SHKBP1: variants seen among roughly 807,000 people sequenced by gnomAD.
The protein encoded by SHKBP1 is SH3KBP1-binding protein 1.
A neutral mutation model predicts 83.9 loss-of-function variants in SHKBP1; 71 were observed. The observed-to-expected ratio is 0.85, with a 90% CI of 0.70 to 1.03. SHKBP1 has a LOEUF of 1.03. SHKBP1 is among the 50% of genes least tolerant of loss of function. The pLI is 0.00. For missense variants in SHKBP1, 824 were observed against 982.4 expected, an observed-to-expected ratio of 0.84 and a Z score of 2.16; for synonymous variants, 371 against 398.0, an observed-to-expected ratio of 0.93 and a Z score of 0.81.
Position 40,590,811 on chromosome 19 carries a change from G to T in SHKBP1, c.1850G>T (p.Trp617Leu), listed in dbSNP as rs762962491. The change falls in exon 17 of 18, where the codon TGG (tryptophan) becomes TTG (leucine). Residue 617 changes from tryptophan (W) to leucine (L), a missense_variant. Coordinates refer to ENST00000291842, the MANE Select transcript of SHKBP1 (RefSeq NM_138392.4). The surrounding 1 kb of genome is among the most constrained non-coding windows in gnomAD (Gnocchi z 4.6). ...CCGCCGGCTCCTTCAGCTCCCTCATGGGGCTGTCTCCCCAGCCCCTCACCC... is the reference window on the plus strand; with the variant it reads ...CCGCCGGCTCCTTCAGCTCCCTCATTGGGCTGTCTCCCCAGCCCCTCACCC... ...LAPPAPSAPS[W>L]GCLPSPSPRI... The T allele has an allele frequency of 6.2e-7, 1 of 1,600,052 alleles. No individual in the cohort carries two copies. The highest frequency in any genetic ancestry group is 1.3e-5 in the African/African-American group (1 of 74,644).
At position 40,577,245 on chromosome 19, in the gene SHKBP1, G is replaced by A. The variant is rs1433362215; in HGVS notation, c.101G>A (p.Arg34His). The A allele has an allele frequency of 1.2e-6, 2 of 1,613,800 alleles. No homozygotes were observed. Among genetic ancestry groups the A allele is most frequent in the Non-Finnish European group, 1.7e-6 (2 of 1,179,996 alleles). ...NVGGKRFSTS[R>H]QTLTWIPDSF... ...TCCCCGCCCAGATTCAGTACCTCTC[G>A]CCAGACTCTCACCTGGATCCCAGAC... The change falls in exon 2 of 18, where the codon CGC becomes CAC. Residue 34 changes from arginine (R) to histidine (H), a missense_variant. By Grantham distance (29) the Arg-to-His change is conservative. Around this residue, in one of 3 missense-constraint regions of SHKBP1, gnomAD observed 355 missense variants for 386.4 expected, o/e 0.92. Coordinates refer to ENST00000291842, the MANE Select transcript of SHKBP1 (RefSeq NM_138392.4).
chr19:40,586,957 G>C lies in SHKBP1; in HGVS notation c.1336+13G>C, dbSNP rs773033433. On this transcript the variant is annotated intron_variant, in intron 13 of 17. Transcript: ENST00000291842. ...CACCTCATCTCAGGTGAGCCTCTGT[G>C]GGGTGCTCCAGTGCTGGGAGAGACA... 6.3e-7 allele frequency: 1 copy of C among 1,583,932 alleles called. No homozygotes were observed. The highest frequency in any genetic ancestry group is 1.7e-5 in the Admixed American group (1 of 58,556).
chr19:40,590,273 C>T lies in SHKBP1; in HGVS notation c.1619C>T (p.Ser540Leu), dbSNP rs1599849545. 6.2e-7 allele frequency: 1 copy of T among 1,604,584 alleles called. No individual in the cohort carries two copies. The highest frequency in any genetic ancestry group is 8.5e-7 in the Non-Finnish European group (1 of 1,176,528). The change falls in exon 16 of 18, where the codon TCA becomes TTA. Residue 540 changes from serine (S) to leucine (L), a missense_variant. Ser to Leu is a moderately radical substitution (Grantham distance 145). Coordinates refer to ENST00000291842, the MANE Select transcript of SHKBP1 (RefSeq NM_138392.4). The surrounding 1 kb of genome is among the most constrained non-coding windows in gnomAD (Gnocchi z 4.6). ...RVCSVRSVDG[S>L]PTTAFTVLEC... The stretch of plus-strand genomic sequence containing the variant: ...TGCTCCGTGCGCTCCGTGGACGGCT[C>T]ACCCACGACAGCCTTCACAGTGCTG...
chr19:40,579,129 A>G (rs1209756845), intron 6 of SHKBP1, among the ~76,000 whole-genome samples: 3 of 149,282 alleles, frequency 2.0e-5, no homozygotes, highest in Non-Finnish European at 4.4e-5. Flanking sequence ...ATTTAATTTT[A>G]TGAGACAGGG....
rs367580869 is a variant in SHKBP1, at chr19:40,577,221, C to G, written c.87-10C>G. On this transcript the variant is annotated splice_polypyrimidine_tract_variant and intron_variant, in intron 1 of 17. Coordinates refer to ENST00000291842, the MANE Select transcript of SHKBP1 (RefSeq NM_138392.4). ...TTCATCTCTTGCGTCCGTTTACCTT[C>G]CCCGCCCAGATTCAGTACCTCTCGC... 82 of 1,613,104 alleles carry G rather than the reference C, an allele frequency of 5.1e-5. No homozygotes were observed. Among genetic ancestry groups the G allele is most frequent in the Non-Finnish European group, 6.9e-5 (81 of 1,179,964 alleles).
chr19:40,577,680 G>T (rs766043629), intron 4 of SHKBP1, 50 bp downstream of exon 4: 2 of 1,593,524 alleles, frequency 1.3e-6, no homozygotes, highest in African/African-American at 1.3e-5. Context: ...CAGTCCCTGA[G>T]GAGTTCTTTC....
rs757621526 is a variant in SHKBP1, at chr19:40,580,883, G to T, written c.791G>T (p.Gly264Val). The change falls in exon 9 of 18, where the codon GGC (glycine) becomes GTC (valine). Residue 264 changes from glycine to valine, a missense_variant. Physicochemically the swap from Gly to Val is moderately radical, Grantham distance 109. This residue lies in a region of SHKBP1 where 355 missense variants were observed against 386.4 expected (regional missense o/e 0.92). Coordinates refer to ENST00000291842, the MANE Select transcript of SHKBP1 (RefSeq NM_138392.4). ...GACAAGATGGTGGCAGCAGCCACCG[G>T]CAGCGAGATCCTGCTATGGGCTCTG... ...EHDKMVAAATGSEILLWALQA... is the reference protein window; with the variant it reads ...EHDKMVAAATVSEILLWALQA... 6.2e-7 allele frequency: 1 copy of T among 1,611,050 alleles called. No individual in the cohort carries two copies. Among genetic ancestry groups the T allele is most frequent in the South Asian group, 1.1e-5 (1 of 90,716 alleles).
Position 40,590,588 on chromosome 19 carries a change from C to A in SHKBP1, c.1769-142C>A. 1 of 1,303,190 alleles carries A rather than the reference C, an allele frequency of 7.7e-7. No individual in the cohort carries two copies. Among genetic ancestry groups the A allele is most frequent in the Non-Finnish European group, 1.1e-6 (1 of 947,262 alleles). The allele number at this position is 1,303,190 out of a possible 1,614,324, so 80.7% of individuals were successfully genotyped here. On this transcript the variant is annotated intron_variant, in intron 16 of 17. Coordinates refer to ENST00000291842, the MANE Select transcript of SHKBP1 (RefSeq NM_138392.4). The surrounding 1 kb of genome is among the most constrained non-coding windows in gnomAD (Gnocchi z 4.6). Reference sequence around the variant, plus strand: ...CCTTCCTGCCCTTGTTTTTCAACCCCTGTCTCAGCCTCTGGCCCCCATGCA... The same window carrying A: ...CCTTCCTGCCCTTGTTTTTCAACCCATGTCTCAGCCTCTGGCCCCCATGCA...
Position 40,587,997 on chromosome 19 carries a change from C to T in SHKBP1, c.1337-627C>T, listed in dbSNP as rs186258176. 5.4e-3 allele frequency among the ~76,000 whole-genome samples: 822 copies of T among 152,248 alleles called. 8 individuals carry two copies. Among genetic ancestry groups the T allele is most frequent in the Non-Finnish European group, 6.4e-3 (434 of 68,024 alleles). On this transcript the variant is annotated intron_variant, in intron 13 of 17. Coordinates refer to ENST00000291842, the MANE Select transcript of SHKBP1 (RefSeq NM_138392.4). ...TGTGTGTGGCTAGAGAGTGTCAAGT[C>T]GCTGGAGAGGGGTCATTCAGGGAAG...
At position 40,578,221 on chromosome 19, in the gene SHKBP1, GAGCCCCC is replaced by G; in HGVS notation, c.319+13_319+19del. The G allele has an allele frequency of 6.2e-7, 1 of 1,613,810 alleles. No homozygotes were observed. The highest frequency in any genetic ancestry group is 1.1e-5 in the South Asian group (1 of 91,082). ...TGGGCTCACTCCTCTGGGTAAGTGG[GAGCCCCC>G]AGCTATCATCCTCATTGTATAGAAA... On this transcript the variant is annotated intron_variant, in intron 5 of 17. Coordinates refer to ENST00000291842, the MANE Select transcript of SHKBP1 (RefSeq NM_138392.4).
intron 13 of SHKBP1, 106 bp downstream of exon 13, chr19:40,587,050 G>A (rs992648880): frequency 2.8e-6 from 3 of 1,082,302 alleles, no homozygotes; most frequent in Non-Finnish European, 4.0e-6. Context: ...TGTAGGAAGA[G>A]AGCTCTGGCG....
At position 40,584,095 on chromosome 19, in the gene SHKBP1, C is replaced by G. The variant is rs375442157; in HGVS notation, c.1165+378C>G. ...ACCTCAGATGATCCTCCCGCCTCAG[C>G]CCCCCAAAGTACTGGGATTACAGAC... On this transcript the variant is annotated intron_variant, in intron 12 of 17. Coordinates refer to ENST00000291842, the MANE Select transcript of SHKBP1 (RefSeq NM_138392.4). 1.2e-4 allele frequency among the ~76,000 whole-genome samples: 19 copies of G among 152,228 alleles called. 1 individual carries two copies. The highest frequency in any genetic ancestry group is 4.6e-4 in the African/African-American group (19 of 41,528).
At chr19:40,586,592 C>A in intron 12 of SHKBP1, 182 bp from the exon 13 acceptor site, 1 of 480,532 alleles carries the variant, frequency 2.1e-6, no homozygotes, top group South Asian at 5.9e-5. Flanking sequence ...GTCTTGAACG[C>A]CTGACCTCAA....
rs2081350141 is a variant in SHKBP1, at chr19:40,590,546, C to T, written c.1768+124C>T. 3 of 1,281,024 alleles carry T rather than the reference C, an allele frequency of 2.3e-6. No homozygotes were observed. The highest frequency in any genetic ancestry group is 2.4e-5 in the East Asian group (1 of 41,656). 79.4% of individuals were successfully genotyped at this position (1,281,024 alleles called of 1,614,324 possible). A position where few individuals can be genotyped will look rare whatever the true frequency, so the allele number is the denominator to read the frequency against. On this transcript the variant is annotated intron_variant, in intron 16 of 17. Transcript: ENST00000291842. This position sits in a 1 kb window ranked among gnomAD's most constrained non-coding sequence, Gnocchi z 4.6. The stretch of plus-strand genomic sequence containing the variant: ...CCTCTGACCCCTTTTCCTTTGACCC[C>T]CTCTCTGCTCCCCATCCCTTCCTGC...
chr19:40,583,896 A>G (rs771673517), intron 12 of SHKBP1, among the ~76,000 whole-genome samples, 179 bp downstream of exon 12: 4 of 151,990 alleles, frequency 2.6e-5, no homozygotes, highest in African/African-American at 4.8e-5. Flanking sequence ...GCTGGAGTGC[A>G]GTGGTGCAAT....
Position 40,580,209 on chromosome 19 carries a change from A to G in SHKBP1, c.401-115A>G, listed in dbSNP as rs190636639. On this transcript the variant is annotated intron_variant, in intron 6 of 17. Transcript: ENST00000291842. ...TGTCACTGCACCACTTAAAATCTTCACCCGGAGACTATGTCCCACACATGG... is the reference window on the plus strand; with the variant it reads ...TGTCACTGCACCACTTAAAATCTTCGCCCGGAGACTATGTCCCACACATGG... The G allele has an allele frequency of 7.2e-6, 9 of 1,255,242 alleles. No homozygotes were observed. The Admixed American group carries it at 1.8e-4, about 25-fold the overall frequency. 77.8% of individuals were successfully genotyped at this position (1,255,242 alleles called of 1,614,324 possible).
intron 5 of SHKBP1, 92 bp from the exon 6 acceptor site, chr19:40,578,368 GTA>G (rs2081239252): frequency 6.7e-7 from 1 of 1,489,500 alleles, no homozygotes; most frequent in Non-Finnish European, 9.3e-7. Context: ...ACTGGGAGGA[GTA>G]TTGGTACTCT....
At chr19:40,577,192 C>G (rs750882473) in intron 1 of SHKBP1, 39 bp from the exon 2 acceptor site, 1 of 1,610,426 alleles carries the variant, frequency 6.2e-7, no homozygotes, top group Non-Finnish European at 8.5e-7. Context: ...CTCACCCGCT[C>G]CTCTTCATCT....
At chr19:40,582,493 C>A (rs373346459) in intron 10 of SHKBP1, 27 bp downstream of exon 10, 1 of 1,600,140 alleles carries the variant, frequency 6.2e-7, no homozygotes, top group African/African-American at 1.3e-5. Context: ...GCCTGGCTGC[C>A]CCCTTCCCAG....
Sources: allele counts gnomAD v4.1 joint callset (sites outside exome capture counted in the v4.1 genomes callset), GRCh38; gene constraint gnomAD v4.1.1; regional missense constraint gnomAD v4.1.1; non-coding constraint Gnocchi (gnomAD v3.1); transcripts MANE v1.5; gene names NCBI Gene and HGNC (gene_info 2026-07-23, HGNC 2026-07-21).